The following CNTLN variants were observed in gnomAD, a reference collection of about 807,000 sequenced individuals.
The protein encoded by CNTLN is centlein, also known as centlein, centrosomal protein.
Under a neutral mutation model 180.0 loss-of-function variants are expected in CNTLN, and 212 were observed. The observed-to-expected ratio is 1.18, with a 90% CI of 1.05 to 1.32. The LOEUF is 1.32. CNTLN is among the 40% of genes most tolerant of loss of function. CNTLN has a pLI of 0.00. For synonymous variants in CNTLN, 722 were observed against 563.1 expected (o/e 1.28, Z -3.99); for missense variants, 2,095 against 1,610.9 (o/e 1.30, Z -5.14).
intron 8 of CNTLN, among the ~76,000 whole-genome samples, chr9:17,312,364 T>TTATATA (rs1554685981): frequency 9.9e-5 from 2 of 20,186 alleles, no homozygotes; most frequent in Non-Finnish European, 2.9e-4. Context: ...TATATATATA[T>TTATATA]TATATATATA....
chr9:17,236,367 CGTTTT>C, intron 4 of CNTLN, 37 bp from the exon 5 acceptor site: 1 of 1,487,006 alleles, frequency 6.7e-7, no homozygotes, highest in South Asian at 1.4e-5. Context: ...TTTTTTGTTT[CGTTTT>C]GTTTTATTTA....
intron 13 of CNTLN, among the ~76,000 whole-genome samples, chr9:17,379,175 C>G (rs890800371): frequency 3.3e-5 from 5 of 151,834 alleles, no homozygotes; most frequent in Non-Finnish European, 5.9e-5. Flanking sequence ...TTTTTTCCCT[C>G]GGCTAGTCAG....
chr9:17,307,442 G>C (rs777041823), intron 7 of CNTLN, among the ~76,000 whole-genome samples: 1 of 151,930 alleles, frequency 6.6e-6, no homozygotes, highest in Admixed American at 6.6e-5. Flanking sequence ...GTAATTTTTT[G>C]TATTTTTGGT....
intron 13 of CNTLN, among the ~76,000 whole-genome samples, chr9:17,369,304 A>G (rs889381616): frequency 1.3e-5 from 2 of 152,102 alleles, no homozygotes; most frequent in Non-Finnish European, 2.9e-5. Flanking sequence ...CTCCCCAGCC[A>G]TGCTGAGTTG....
chr9:17,323,709 G>A (rs1820075062), intron 8 of CNTLN, among the ~76,000 whole-genome samples: 1 of 152,224 alleles, frequency 6.6e-6, no homozygotes, highest in African/African-American at 2.4e-5. Context: ...GTGGCAATAT[G>A]GCTGGTCTCC....
intron 6 of CNTLN, among the ~76,000 whole-genome samples, chr9:17,294,897 AGT>A (rs1817741312): frequency 1.3e-4 from 1 of 7,948 alleles, no homozygotes; most frequent in African/African-American, 5.0e-4. Context: ...GGGAGTGGGG[AGT>A]GGGGGGAGGG....
chr9:17,372,210 C>T (rs1002498391), intron 13 of CNTLN, among the ~76,000 whole-genome samples: 1 of 151,944 alleles, frequency 6.6e-6, no homozygotes, highest in South Asian at 2.1e-4. Context: ...AATTTACAAA[C>T]GTTTAACCAG....
intron 6 of CNTLN, among the ~76,000 whole-genome samples, chr9:17,293,434 A>G (rs560297295): frequency 6.6e-6 from 1 of 152,334 alleles, no homozygotes; most frequent in African/African-American, 2.4e-5. Context: ...GCTCAGTCCC[A>G]GCGACATCAG....
intron 2 of CNTLN, among the ~76,000 whole-genome samples, chr9:17,169,022 G>A (rs534144399): frequency 1.3e-5 from 2 of 151,994 alleles, no homozygotes; most frequent in African/African-American, 4.8e-5. Context: ...TTAAGTGACC[G>A]CATCTTGCTT....
intron 2 of CNTLN, among the ~76,000 whole-genome samples, chr9:17,163,530 GT>G (rs1563837892): frequency 6.6e-6 from 1 of 152,104 alleles, no homozygotes; most frequent in Admixed American, 6.5e-5. Context: ...AATTATTTCT[GT>G]GTGTCAGTTT....
intron 12 of CNTLN, among the ~76,000 whole-genome samples, chr9:17,352,580 A>G (rs1822472604): frequency 6.6e-6 from 1 of 152,096 alleles, no homozygotes; most frequent in Non-Finnish European, 1.5e-5. Flanking sequence ...CATTAGTTGT[A>G]TTTTAAAGCA....
the CNTLN span, among the ~76,000 whole-genome samples, chr9:17,520,575 G>A: frequency 6.6e-6 from 1 of 152,206 alleles, no homozygotes; most frequent in Non-Finnish European, 1.5e-5. Context: ...GGAGGTGAGA[G>A]GTGGTACTGC....
chr9:17,291,784 C>T (rs945924055), intron 6 of CNTLN, among the ~76,000 whole-genome samples: 22 of 152,086 alleles, frequency 1.4e-4, no homozygotes, highest in East Asian at 7.7e-4. Flanking sequence ...GTCTTTTAAT[C>T]GGGGCATTTA....
At chr9:17,409,535 A>C in intron 16 of CNTLN, 62 bp downstream of exon 16, 2 of 1,202,020 alleles carry the variant, frequency 1.7e-6, no homozygotes, top group Non-Finnish European at 2.3e-6. Context: ...ATGCTTTATA[A>C]CTTAAGTAAA....
At chr9:17,207,700 C>A (rs1175179586) in intron 2 of CNTLN, among the ~76,000 whole-genome samples, 3 of 152,008 alleles carry the variant, frequency 2.0e-5, no homozygotes, top group Non-Finnish European at 4.4e-5. Flanking sequence ...ATGAGATGAA[C>A]TGGGTCCCTC....
At chr9:17,270,947 C>CT (rs78896738) in intron 5 of CNTLN, among the ~76,000 whole-genome samples, 2,665 of 121,906 alleles carry the variant, frequency 0.022, 100 homozygotes, top group Admixed American at 0.041. Flanking sequence ...GAGAGGAGTT[C>CT]TTTTTTTTTT....
chr9:17,237,911 AT>A (rs1489371542), intron 5 of CNTLN, among the ~76,000 whole-genome samples: 17 of 152,002 alleles, frequency 1.1e-4, no homozygotes, highest in Non-Finnish European at 2.5e-4. Flanking sequence ...ATTCTGGTGG[AT>A]TTATTTTCTT....
At chr9:17,169,356 G>C (rs1024118412) in intron 2 of CNTLN, among the ~76,000 whole-genome samples, 1 of 152,072 alleles carries the variant, frequency 6.6e-6, no homozygotes, top group African/African-American at 2.4e-5. Context: ...GTGAATATTA[G>C]GGGTCTCTTT....
chr9:17,299,045 C>A (rs1285288391), intron 7 of CNTLN: 2 of 499,374 alleles, frequency 4.0e-6, no homozygotes, highest in Non-Finnish European at 5.2e-6. Context: ...AGATCGAGAC[C>A]ATCCTGGCCA....
Sources: allele counts gnomAD v4.1 joint callset (sites outside exome capture counted in the v4.1 genomes callset), GRCh38; gene constraint gnomAD v4.1.1; transcripts MANE v1.5; gene names NCBI Gene and HGNC (gene_info 2026-07-23, HGNC 2026-07-21).